The following KCNAB1 variants were observed in gnomAD, a reference collection of about 807,000 sequenced individuals.
KCNAB1 encodes voltage-gated potassium channel subunit beta-1.
KCNAB1 carries 35 observed loss-of-function variants against 64.6 expected under a neutral mutation model. That is an observed-to-expected ratio of 0.54 (90% CI 0.41 to 0.72). The LOEUF (loss-of-function observed/expected upper bound fraction) is 0.72. KCNAB1 is among the 30% of genes least tolerant of loss of function. KCNAB1 has a pLI of 0.00. For missense variants in KCNAB1, 401 were observed against 512.9 expected (o/e 0.78, Z 2.11); for synonymous variants, 177 against 183.8 (o/e 0.96, Z 0.30).
chr3:156,120,797 G>A lies in KCNAB1; in HGVS notation c.186G>A (p.Leu62=), dbSNP rs1382151672. 3 of 1,614,108 alleles carry A rather than the reference G, an allele frequency of 1.9e-6. No homozygotes were observed. The highest frequency in any genetic ancestry group is 2.7e-5 in the African/African-American group (2 of 74,938). ...ESQLRARQLA[L]LREVEMNWYL... ...AGCTCAGGGCGCGTCAACTGGCTCT[G>A]CTGCGCGAAGTGGAGATGAACTGGT... The change falls in exon 1 of 14, where the codon CTG becomes CTA. Residue 62 remains leucine (L), a synonymous_variant. Coordinates refer to ENST00000490337, the MANE Select transcript of KCNAB1 (RefSeq NM_172160.3).
chr3:156,464,491 T>A (rs200531791), intron 6 of KCNAB1, among the ~76,000 whole-genome samples: 4,070 of 140,964 alleles, frequency 0.029, 116 homozygotes, highest in East Asian at 0.18. Flanking sequence ...AAAAAAATAA[T>A]AATAATAATA....
intron 2 of KCNAB1, among the ~76,000 whole-genome samples, chr3:156,434,178 G>C (rs1229801402): frequency 3.9e-5 from 6 of 152,158 alleles, no homozygotes; most frequent in African/African-American, 1.4e-4. Flanking sequence ...TTTATCTGTT[G>C]TGTGATTGGG....
chr3:156,255,697 G>A (rs975517921), intron 1 of KCNAB1, among the ~76,000 whole-genome samples: 1 of 152,044 alleles, frequency 6.6e-6, no homozygotes, highest in Non-Finnish European at 1.5e-5. Context: ...TGTGTCCTCC[G>A]ACAATATTCT....
chr3:156,478,752 A>G (rs1714567868), intron 8 of KCNAB1, among the ~76,000 whole-genome samples: 1 of 152,216 alleles, frequency 6.6e-6, no homozygotes. Flanking sequence ...CAGTTTCTAC[A>G]TATCATACAG....
intron 1 of KCNAB1, among the ~76,000 whole-genome samples, chr3:156,344,711 C>T (rs976591056): frequency 1.3e-5 from 2 of 152,082 alleles, no homozygotes; most frequent in Non-Finnish European, 2.9e-5. Flanking sequence ...TTGAGAAACA[C>T]TAGCGAAGAG....
At chr3:156,238,149 C>A (rs1337141852) in intron 1 of KCNAB1, among the ~76,000 whole-genome samples, 1 of 152,100 alleles carries the variant, frequency 6.6e-6, no homozygotes, top group Non-Finnish European at 1.5e-5. Flanking sequence ...GCCGGCCGGG[C>A]GTGGTGGCTC....
intron 1 of KCNAB1, among the ~76,000 whole-genome samples, chr3:156,237,333 A>C (rs968976776): frequency 3.3e-5 from 5 of 152,222 alleles, no homozygotes; most frequent in African/African-American, 1.2e-4. Flanking sequence ...TATTTTTCTT[A>C]AGAAAGTAAA....
chr3:156,463,523 G>T (rs898313122), intron 5 of KCNAB1, among the ~76,000 whole-genome samples, 179 bp from the exon 6 acceptor site: 1 of 152,090 alleles, frequency 6.6e-6, no homozygotes, highest in African/African-American at 2.4e-5. Flanking sequence ...TGAGTCCCCC[G>T]CACTAGCTTC....
intron 1 of KCNAB1, among the ~76,000 whole-genome samples, chr3:156,232,329 T>G (rs1228265144): frequency 6.6e-6 from 1 of 152,256 alleles, no homozygotes; most frequent in African/African-American, 2.4e-5. Context: ...TGAATTCTGA[T>G]AAATATTAAT....
chr3:156,176,259 G>A, intron 1 of KCNAB1: 3 of 895,074 alleles, frequency 3.4e-6, no homozygotes, highest in Non-Finnish European at 5.7e-6. Flanking sequence ...TCTGGCACAG[G>A]TCCCAGACCT....
chr3:156,420,017 C>T (rs183716020), intron 1 of KCNAB1, among the ~76,000 whole-genome samples: 809 of 152,312 alleles, frequency 5.3e-3, no homozygotes, highest in Non-Finnish European at 8.0e-3. Flanking sequence ...CAATTATTTT[C>T]GTCCCATTTA....
At chr3:156,414,445 A>G (rs1304033720) in intron 1 of KCNAB1, among the ~76,000 whole-genome samples, 4 of 152,200 alleles carry the variant, frequency 2.6e-5, no homozygotes. Context: ...AATTGCCACA[A>G]TTTCCAAGTG....
chr3:156,310,541 C>T (rs541347600), intron 1 of KCNAB1, among the ~76,000 whole-genome samples: 5 of 152,266 alleles, frequency 3.3e-5, no homozygotes, highest in South Asian at 2.1e-4. Flanking sequence ...TGGTGGCTTA[C>T]GCCTGTAATC....
chr3:156,263,305 C>T (rs1302995345), intron 1 of KCNAB1, among the ~76,000 whole-genome samples: 2 of 151,922 alleles, frequency 1.3e-5, no homozygotes, highest in Non-Finnish European at 2.9e-5. Context: ...TTAGCTGCTT[C>T]CCATAAATTA....
At chr3:156,496,072 G>T (rs537004467) in intron 8 of KCNAB1, among the ~76,000 whole-genome samples, 1 of 152,264 alleles carries the variant, frequency 6.6e-6, no homozygotes, top group African/African-American at 2.4e-5. Flanking sequence ...AAATGTGTTT[G>T]TGTGTGTAAG....
chr3:156,518,763 G>A (rs1198978437), intron 11 of KCNAB1, among the ~76,000 whole-genome samples: 3 of 152,178 alleles, frequency 2.0e-5, no homozygotes, highest in African/African-American at 7.2e-5. Flanking sequence ...CCCCTCCTCT[G>A]GCCCCACTAC....
intron 1 of KCNAB1, among the ~76,000 whole-genome samples, chr3:156,362,312 A>G (rs1254996190): frequency 6.6e-6 from 1 of 152,252 alleles, no homozygotes; most frequent in East Asian, 1.9e-4. Context: ...AATAGGAATG[A>G]GGAGTGAAGC....
chr3:156,278,566 A>G (rs1719492299), intron 1 of KCNAB1, among the ~76,000 whole-genome samples: 1 of 152,168 alleles, frequency 6.6e-6, no homozygotes, highest in African/African-American at 2.4e-5. Flanking sequence ...TTTAATTTGT[A>G]GTATTTTAGA....
intron 1 of KCNAB1, among the ~76,000 whole-genome samples, chr3:156,200,518 C>T (rs927098814): frequency 2.0e-5 from 3 of 152,196 alleles, no homozygotes; most frequent in African/African-American, 7.2e-5. Context: ...GATGGCCTTC[C>T]CAGTGAGAAG....
Sources: allele counts gnomAD v4.1 joint callset (sites outside exome capture counted in the v4.1 genomes callset), GRCh38; gene constraint gnomAD v4.1.1; transcripts MANE v1.5; gene names NCBI Gene and HGNC (gene_info 2026-07-23, HGNC 2026-07-21).